The following CDS2 variants were observed in gnomAD, a reference collection of about 807,000 sequenced individuals.
The protein encoded by CDS2 is CDP-diacylglycerol synthase 2.
Under a neutral mutation model 59.0 loss-of-function variants are expected in CDS2, and 47 were observed. The ratio of observed to expected loss-of-function variants is 0.80; its 90% CI spans 0.63 to 1.02. CDS2 has a LOEUF of 1.02. CDS2 is among the 50% of genes least tolerant of loss of function. The probability of loss-of-function intolerance (pLI) is 0.00; values close to 1 mark genes in which losing one functional copy is unlikely to be tolerated. For missense variants in CDS2, 356 were observed against 558.9 expected, an observed-to-expected ratio of 0.64 and a Z score of 3.66; for synonymous variants, 207 against 206.4, an observed-to-expected ratio of 1.00 and a Z score of -0.02.
chr20:5,134,568 T>C (rs1165725304), intron 1 of CDS2, among the ~76,000 whole-genome samples: 1 of 152,230 alleles, frequency 6.6e-6, no homozygotes, highest in African/African-American at 2.4e-5. Context: ...TTGCCCAGGC[T>C]GGAGTCCAAT....
intron 1 of CDS2, among the ~76,000 whole-genome samples, chr20:5,165,655 C>A (rs1173430271): frequency 1.3e-5 from 2 of 152,136 alleles, no homozygotes; most frequent in Non-Finnish European, 2.9e-5. Context: ...CTTAGGCGAT[C>A]CTCCCACTTT....
chr20:5,140,841 A>G (rs1475965581), intron 1 of CDS2, among the ~76,000 whole-genome samples: 3 of 152,244 alleles, frequency 2.0e-5, no homozygotes, highest in African/African-American at 7.2e-5. Context: ...AGCTTGATCA[A>G]GACTCTAGTT....
intron 8 of CDS2, among the ~76,000 whole-genome samples, 183 bp from the exon 9 acceptor site, chr20:5,185,575 G>A (rs530547384): frequency 3.6e-4 from 55 of 152,258 alleles, no homozygotes; most frequent in African/African-American, 1.3e-3. Flanking sequence ...GAAACAGAAA[G>A]GGAACCAAAG....
intron 1 of CDS2, among the ~76,000 whole-genome samples, chr20:5,143,544 A>G (rs2090712972): frequency 6.6e-6 from 1 of 152,150 alleles, no homozygotes; most frequent in Non-Finnish European, 1.5e-5. Context: ...CCAAATTGTG[A>G]ATAATGCTGC....
In CDS2 at chr20:5,190,294, A is replaced by G. The variant is rs1466882800; in HGVS notation, c.*60A>G. 4 of 1,525,452 alleles carry G rather than the reference A, an allele frequency of 2.6e-6. No individual in the cohort carries two copies. The highest frequency in any genetic ancestry group is 2.7e-5 in the African/African-American group (2 of 72,832). 94.5% of individuals were successfully genotyped at this position (1,525,452 alleles called of 1,614,324 possible). A position where few individuals can be genotyped will look rare whatever the true frequency, so the allele number is the denominator to read the frequency against. The stretch of plus-strand genomic sequence containing the variant: ...TGAGCAGGGGCAGGTCTCCAAGGCA[A>G]GCCCAGCTGGTGTGACTTAGACAAT... On this transcript the variant is annotated 3_prime_UTR_variant, in exon 13 of 13. Coordinates refer to ENST00000460006, the MANE Select transcript of CDS2 (RefSeq NM_003818.4).
intron 1 of CDS2, among the ~76,000 whole-genome samples, chr20:5,168,439 G>GA (rs11287231): frequency 2.9e-4 from 39 of 136,548 alleles, no homozygotes; most frequent in East Asian, 1.1e-3. Context: ...AAAAAGAAAA[G>GA]AAAAAAAAAA....
chr20:5,127,963 C>T (rs772976344), intron 1 of CDS2, among the ~76,000 whole-genome samples: 5 of 152,016 alleles, frequency 3.3e-5, no homozygotes, highest in Admixed American at 6.6e-5. Flanking sequence ...TGATCAGGAG[C>T]CCTGTGTTTG....
chr20:5,177,347 G>A (rs1164772715), intron 4 of CDS2, among the ~76,000 whole-genome samples: 1 of 152,070 alleles, frequency 6.6e-6, no homozygotes, highest in Non-Finnish European at 1.5e-5. Context: ...AGACTGTGGT[G>A]TTTGAGCCCT....
intron 5 of CDS2, 49 bp downstream of exon 5, chr20:5,179,005 T>C (rs1049421906): frequency 6.3e-7 from 1 of 1,577,122 alleles, no homozygotes; most frequent in Non-Finnish European, 8.7e-7. Flanking sequence ...TGTTTTTGTA[T>C]GTCTGTCAGG....
chr20:5,148,150 T>G (rs2090758852), intron 1 of CDS2, among the ~76,000 whole-genome samples: 1 of 152,186 alleles, frequency 6.6e-6, no homozygotes, highest in African/African-American at 2.4e-5. Context: ...AAGATGACTT[T>G]GGATTCAAGT....
rs936073630 is a variant in CDS2, at chr20:5,194,802, C to T, written c.*4568C>T. On this transcript the variant is annotated 3_prime_UTR_variant, in exon 13 of 13. Transcript: ENST00000460006. ...CCCATCAAATGCCTACCTACTGAGG[C>T]GCCTTCTCTTTTTATTCTTGAGCCA... The T allele has an allele frequency of 6.6e-6, 1 of 151,908 alleles. No homozygotes were observed. Among genetic ancestry groups the T allele is most frequent in the African/African-American group, 2.4e-5 (1 of 41,316 alleles). The allele number at this position is 151,908 out of a possible 1,614,324, so 9.4% of individuals were successfully genotyped here.
chr20:5,167,163 A>C (rs908278070), intron 1 of CDS2, among the ~76,000 whole-genome samples: 2 of 152,176 alleles, frequency 1.3e-5, no homozygotes, highest in Admixed American at 1.3e-4. Context: ...CTTTGTAAAT[A>C]GCTTTATCTG....
In CDS2 at chr20:5,127,163, C is replaced by T. The variant is rs13043456; in HGVS notation, c.57+14C>T. ...CCCGAGGACAAGGTAGCGGCAGCGT[C>T]GGGGTGGGCGCGGCCGGGACAGCGG... is the stretch of plus-strand genomic sequence containing the variant. On this transcript the variant is annotated intron_variant, in intron 1 of 12. Coordinates refer to ENST00000460006, the MANE Select transcript of CDS2 (RefSeq NM_003818.4). 11 of 1,484,970 alleles carry T rather than the reference C, an allele frequency of 7.4e-6. No homozygotes were observed. The highest frequency in any genetic ancestry group is 2.4e-5 in the Admixed American group (1 of 42,508). 92.0% of individuals were successfully genotyped at this position (1,484,970 alleles called of 1,614,324 possible). A position where few individuals can be genotyped will look rare whatever the true frequency, so the allele number is the denominator to read the frequency against.
At chr20:5,148,626 G>A (rs535476142) in intron 1 of CDS2, among the ~76,000 whole-genome samples, 2 of 152,190 alleles carry the variant, frequency 1.3e-5, no homozygotes, top group Non-Finnish European at 2.9e-5. Context: ...TCTGCTTCCA[G>A]TGTGAGGGTG....
At chr20:5,179,358 CT>C (rs1389292068) in intron 5 of CDS2, among the ~76,000 whole-genome samples, 2 of 152,200 alleles carry the variant, frequency 1.3e-5, no homozygotes, top group Non-Finnish European at 2.9e-5. Context: ...CCGAGTTTAA[CT>C]TATCCGCCTG....
At chr20:5,142,515 A>G (rs1160928514) in intron 1 of CDS2, among the ~76,000 whole-genome samples, 1 of 152,210 alleles carries the variant, frequency 6.6e-6, no homozygotes, top group Non-Finnish European at 1.5e-5. Context: ...TCAAACTGCA[A>G]TAAAGAGAAA....
At position 5,184,746 on chromosome 20, in the gene CDS2, C is replaced by T. The variant is rs2091055093; in HGVS notation, c.672-112C>T. ...TTTTAACTTACTCCTTAATGGGTTACCAGAATTTTATGGGTGATTTTGGTG... is the reference window on the plus strand; with the variant it reads ...TTTTAACTTACTCCTTAATGGGTTATCAGAATTTTATGGGTGATTTTGGTG... On this transcript the variant is annotated intron_variant, in intron 7 of 12. Transcript: ENST00000460006. This position sits in a 1 kb window ranked among gnomAD's most constrained non-coding sequence, Gnocchi z 4.3. 3 of 841,152 alleles carry T rather than the reference C, an allele frequency of 3.6e-6. No homozygotes were observed. The East Asian group carries it at 7.3e-5, about 20-fold the overall frequency. 52.1% of individuals were successfully genotyped at this position (841,152 alleles called of 1,614,324 possible).
intron 7 of CDS2, among the ~76,000 whole-genome samples, chr20:5,183,397 C>G (rs2091045275): frequency 6.6e-6 from 1 of 152,296 alleles, no homozygotes. Context: ...CTGAGAACCA[C>G]TGTTCTAGAC....
intron 1 of CDS2, among the ~76,000 whole-genome samples, chr20:5,129,133 C>T (rs1470791350): frequency 6.6e-6 from 1 of 152,012 alleles, no homozygotes; most frequent in Non-Finnish European, 1.5e-5. Flanking sequence ...TCATGAGGTC[C>T]ACTTGTGGCG....
Sources: gnomAD v4.1 joint callset for allele counts (sites outside exome capture counted in the v4.1 genomes callset) on GRCh38, gnomAD v4.1.1 for gene constraint, Gnocchi (gnomAD v3.1) non-coding constraint, MANE v1.5 for transcripts, NCBI Gene and HGNC (gene_info 2026-07-23, HGNC 2026-07-21) for gene names.